The following AIM2 variants were observed in gnomAD, a reference collection of about 807,000 sequenced individuals.
AIM2 encodes absent in melanoma 2.
In AIM2, 30 loss-of-function variants were observed where a neutral mutation model predicts 27.7. The ratio of observed to expected loss-of-function variants is 1.08; its 90% CI spans 0.81 to 1.47. AIM2 has a LOEUF of 1.47. Ranked by LOEUF, AIM2 falls within the 40% of genes most tolerant of loss-of-function variation. The pLI is 0.00. For synonymous variants in AIM2, 141 were observed against 145.3 expected (o/e 0.97, Z 0.21); for missense variants, 358 against 411.3 (o/e 0.87, Z 1.12).
intron 2 of AIM2, among the ~76,000 whole-genome samples, chr1:159,070,020 C>A (rs1471476320): frequency 6.6e-6 from 1 of 152,122 alleles, no homozygotes; most frequent in Non-Finnish European, 1.5e-5. Flanking sequence ...CTGAAGGTAC[C>A]TTTAACTCCT....
chr1:159,101,800 T>C (rs914884583), intron 1 of AIM2, among the ~76,000 whole-genome samples: 1 of 152,072 alleles, frequency 6.6e-6, no homozygotes, highest in Non-Finnish European at 1.5e-5. Context: ...AGAGAGATGA[T>C]TTAGGGTATC....
intron 1 of AIM2, among the ~76,000 whole-genome samples, chr1:159,075,574 C>CACACACAT (rs1553215635): frequency 1.6e-3 from 179 of 109,210 alleles, no homozygotes; most frequent in African/African-American, 4.2e-3. Flanking sequence ...CACACACACA[C>CACACACAT]ATATATATAT....
upstream of AIM2, among the ~76,000 whole-genome samples, chr1:159,080,216 GTATAATAAGA>G (rs1184424405): frequency 6.6e-6 from 1 of 152,152 alleles, no homozygotes; most frequent in Non-Finnish European, 1.5e-5. Context: ...TTGCTGTGTT[GTATAATAAGA>G]TATAATAAGA....
chr1:159,125,542 C>G (rs143137284), intron 1 of AIM2, among the ~76,000 whole-genome samples: 344 of 152,236 alleles, frequency 2.3e-3, no homozygotes, highest in African/African-American at 7.8e-3. Context: ...TAGAGGGCCA[C>G]GGAAAGCCAG....
intron 1 of AIM2, among the ~76,000 whole-genome samples, chr1:159,097,745 G>A (rs532177260): frequency 1.6e-4 from 24 of 152,292 alleles, no homozygotes; most frequent in African/African-American, 5.8e-4. Context: ...ATAAGTTAAT[G>A]TACATGAAAC....
chr1:159,072,317 C>T (rs531542308), intron 2 of AIM2, among the ~76,000 whole-genome samples: 1 of 152,334 alleles, frequency 6.6e-6, no homozygotes, highest in South Asian at 2.1e-4. Context: ...ACTTATGTGG[C>T]TTCATTTAGC....
intron 1 of AIM2, among the ~76,000 whole-genome samples, chr1:159,104,039 T>A (rs182768035): frequency 5.6e-4 from 85 of 152,152 alleles, no homozygotes; most frequent in South Asian, 3.1e-3. Flanking sequence ...ACACTTTTTT[T>A]ATTTTATTTT....
At chr1:159,143,527 G>T (rs1479095501), upstream of AIM2, among the ~76,000 whole-genome samples, 1 of 151,488 alleles carries the variant, frequency 6.6e-6, no homozygotes, top group Non-Finnish European at 1.5e-5. Flanking sequence ...CCATTCCAGT[G>T]TAAGGGAAAG....
At chr1:159,124,220 T>A (rs1647623060) in intron 1 of AIM2, among the ~76,000 whole-genome samples, 1 of 152,226 alleles carries the variant, frequency 6.6e-6, no homozygotes, top group Non-Finnish European at 1.5e-5. Context: ...TGATATTTTA[T>A]GGTAGTAAAA....
chr1:159,058,925 G>T (rs1407834711), downstream of AIM2, among the ~76,000 whole-genome samples: 1 of 152,160 alleles, frequency 6.6e-6, no homozygotes, highest in African/African-American at 2.4e-5. Flanking sequence ...TTCCATCCAG[G>T]AAGAGGAGGG....
chr1:159,127,903 T>A (rs768317475), intron 1 of AIM2, among the ~76,000 whole-genome samples: 1 of 152,206 alleles, frequency 6.6e-6, no homozygotes, highest in African/African-American at 2.4e-5. Context: ...CTACTTCTCA[T>A]GTCACCAACT....
At chr1:159,080,484 T>C (rs984803239), upstream of AIM2, among the ~76,000 whole-genome samples, 1 of 152,196 alleles carries the variant, frequency 6.6e-6, no homozygotes, top group African/African-American at 2.4e-5. Context: ...TTCAGAACTT[T>C]TGTAAAGAAA....
At chr1:159,130,671 T>TA in intron 1 of AIM2, among the ~76,000 whole-genome samples, 1 of 152,000 alleles carries the variant, frequency 6.6e-6, no homozygotes, top group East Asian at 1.9e-4. Flanking sequence ...ACTTCTCTAA[T>TA]ACAAGCCAAC....
At chr1:159,099,669 C>A (rs909531107) in intron 1 of AIM2, among the ~76,000 whole-genome samples, 1 of 152,192 alleles carries the variant, frequency 6.6e-6, no homozygotes, top group Middle Eastern at 3.2e-3. Flanking sequence ...AATTCCCCAG[C>A]TGGAATTGAT....
chr1:159,118,682 T>C (rs1385333936), intron 1 of AIM2, among the ~76,000 whole-genome samples: 1 of 152,206 alleles, frequency 6.6e-6, no homozygotes, highest in Non-Finnish European at 1.5e-5. Context: ...AATTCATTGA[T>C]AATTCTTTCC....
upstream of AIM2, among the ~76,000 whole-genome samples, chr1:159,141,753 C>T (rs187526112): frequency 2.6e-5 from 4 of 152,132 alleles, no homozygotes; most frequent in East Asian, 7.8e-4. Flanking sequence ...CGAGCCATCT[C>T]AGCATCCTGC....
chr1:159,138,383 T>C (rs2102056771), intron 1 of AIM2, among the ~76,000 whole-genome samples: 1 of 152,276 alleles, frequency 6.6e-6, no homozygotes, highest in African/African-American at 2.4e-5. Flanking sequence ...CACTCAGGTC[T>C]TCACTCAAAA....
At chr1:159,079,735 TG>T (rs1367825923), upstream of AIM2, among the ~76,000 whole-genome samples, 1 of 152,116 alleles carries the variant, frequency 6.6e-6, no homozygotes, top group Non-Finnish European at 1.5e-5. Flanking sequence ...AGGGTACACT[TG>T]GTGTTGTACA....
chr1:159,130,218 C>G (rs754992781), intron 1 of AIM2, among the ~76,000 whole-genome samples: 7 of 152,196 alleles, frequency 4.6e-5, no homozygotes, highest in Non-Finnish European at 8.8e-5. Context: ...ATGATGGGTT[C>G]CTCAGGGCTT....
Sources: allele counts gnomAD v4.1 joint callset (sites outside exome capture counted in the v4.1 genomes callset), GRCh38; gene constraint gnomAD v4.1.1; transcripts MANE v1.5; gene names NCBI Gene and HGNC (gene_info 2026-07-23, HGNC 2026-07-21).